Variants in FHIT observed in about 807,000 individuals in gnomAD.
The protein encoded by FHIT is bis(5'-adenosyl)-triphosphatase.
Under a neutral mutation model 17.9 loss-of-function variants are expected in FHIT, and 19 were observed. That is an observed-to-expected ratio of 1.06 (90% CI 0.74 to 1.56). FHIT has a LOEUF of 1.56. FHIT is among the 40% of genes most tolerant of loss of function. The probability of loss-of-function intolerance (pLI) is 0.00; values close to 1 mark genes in which losing one functional copy is unlikely to be tolerated. For synonymous variants in FHIT, 81 were observed against 69.7 expected, an observed-to-expected ratio of 1.16 and a Z score of -0.81; for missense variants, 248 against 189.2, an observed-to-expected ratio of 1.31 and a Z score of -1.82.
At position 59,976,032 on chromosome 3, in the gene FHIT, T is replaced by C. The variant is rs972359742; in HGVS notation, c.279+35339A>G. 2.6e-5 allele frequency among the ~76,000 whole-genome samples: 4 copies of C among 152,228 alleles called. No homozygotes were observed. In the South Asian group the frequency reaches 8.3e-4, roughly 32 times the overall value. On this transcript the variant is annotated intron_variant, in intron 7 of 9. Transcript: ENST00000492590. ...GGACTTGGGTTCAGACACAACTCAA[T>C]CACTTATAAGCTTAGTGACCTTGGA...
Position 61,249,863 on chromosome 3 carries a change from G to A in FHIT, c.-213+1438C>T, listed in dbSNP as rs147629499. Among the ~76,000 whole-genome samples, 833 of 150,086 alleles carry A rather than the reference G, an allele frequency of 5.6e-3. 14 individuals are homozygous for A. The highest frequency in any genetic ancestry group is 0.019 in the African/African-American group (772 of 41,010). On this transcript the variant is annotated intron_variant, in intron 1 of 9. Coordinates refer to ENST00000492590, the MANE Select transcript of FHIT (RefSeq NM_002012.4). ...TGTTAGTGGTTTTGGAAGCATGTAC[G>A]TTAATACTTGGAACACCGTATACAA...
At chr3:60,226,359 C>G (rs1704196126) in intron 5 of FHIT, among the ~76,000 whole-genome samples, 1 of 151,106 alleles carries the variant, frequency 6.6e-6, no homozygotes, top group Admixed American at 6.6e-5. Flanking sequence ...GTAATCCCAG[C>G]TATTCGGGAG....
intron 5 of FHIT, among the ~76,000 whole-genome samples, chr3:60,471,735 A>T (rs941055067): frequency 2.0e-5 from 3 of 152,078 alleles, no homozygotes; most frequent in Admixed American, 1.3e-4. Context: ...ACAGTTGTTC[A>T]ATTTGGTGTT....
chr3:61,009,491 T>C (rs1227584960), intron 3 of FHIT, among the ~76,000 whole-genome samples: 1 of 152,196 alleles, frequency 6.6e-6, no homozygotes, highest in East Asian at 1.9e-4. Flanking sequence ...GTTTTTTAAC[T>C]GGTTGCTGTA....
rs1344424428 is a variant in FHIT at position 61,154,425 on chromosome 3, A to T, written c.-164+46192T>A. On this transcript the variant is annotated intron_variant, in intron 2 of 9. Transcript: ENST00000492590. ...GAAAAACCCCTCATAAAACAATTTT[A>T]AAAATATATAAAGAGGAAATCATAT... Among the ~76,000 whole-genome samples the T allele has an allele frequency of 2.6e-5, 4 of 151,480 alleles. No individual in the cohort carries two copies. The East Asian group carries it at 7.7e-4, about 29-fold the overall frequency.
chr3:61,069,083 T>G (rs990841541), intron 2 of FHIT, among the ~76,000 whole-genome samples: 3 of 152,080 alleles, frequency 2.0e-5, no homozygotes, highest in African/African-American at 7.2e-5. Flanking sequence ...TTCAACAGGT[T>G]TTTCTTTTTT....
intron 5 of FHIT, among the ~76,000 whole-genome samples, chr3:60,111,139 T>A (rs1259165244): frequency 6.6e-6 from 1 of 152,196 alleles, no homozygotes; most frequent in Non-Finnish European, 1.5e-5. Context: ...AAAAAAAGTA[T>A]ATGTTGTTTC....
intron 2 of FHIT, among the ~76,000 whole-genome samples, chr3:61,141,553 C>T (rs1286434144): frequency 6.9e-6 from 1 of 144,288 alleles, no homozygotes; most frequent in African/African-American, 2.4e-5. Context: ...CCCAGCCACT[C>T]CACCCAAGCA....
At chr3:60,518,239 C>T (rs569659979) in intron 5 of FHIT, among the ~76,000 whole-genome samples, 26 of 152,188 alleles carry the variant, frequency 1.7e-4, no homozygotes, top group Admixed American at 5.2e-4. Context: ...ATATTTGCAA[C>T]AAATGTGACA....
intron 5 of FHIT, among the ~76,000 whole-genome samples, chr3:60,094,312 T>C (rs1367639479): frequency 1.3e-5 from 2 of 152,306 alleles, no homozygotes; most frequent in East Asian, 3.9e-4. Flanking sequence ...CAATACCAGA[T>C]CTGCCTTCCA....
intron 3 of FHIT, among the ~76,000 whole-genome samples, chr3:60,822,955 T>C (rs1701977876): frequency 6.6e-6 from 1 of 152,220 alleles, no homozygotes; most frequent in African/African-American, 2.4e-5. Context: ...TAAACACCAA[T>C]TCATTCCCTA....
intron 5 of FHIT, among the ~76,000 whole-genome samples, chr3:60,445,045 G>A (rs189444828): frequency 6.6e-6 from 1 of 152,234 alleles, no homozygotes; most frequent in East Asian, 1.9e-4. Context: ...CCTCACCACA[G>A]ATGTGGCTTA....
rs2042046486 is a variant in FHIT at position 60,732,309 on chromosome 3, G to A, written c.-18+89610C>T. 6 of 949,014 alleles carry A rather than the reference G, an allele frequency of 6.3e-6. No individual in the cohort carries two copies. In the South Asian group the frequency reaches 7.7e-5, roughly 12 times the overall value. 58.8% of individuals were successfully genotyped at this position (949,014 alleles called of 1,614,324 possible). On this transcript the variant is annotated intron_variant, in intron 4 of 9. Coordinates refer to ENST00000492590, the MANE Select transcript of FHIT (RefSeq NM_002012.4). ...CTTGGCAGGGCACATGAAAAACTGG[G>A]AACCATTTGTGTTGGGTCCAGCATT...
chr3:61,107,903 T>G (rs912411367), intron 2 of FHIT, among the ~76,000 whole-genome samples: 1 of 152,290 alleles, frequency 6.6e-6, no homozygotes, highest in Admixed American at 6.5e-5. Flanking sequence ...GTTGGCTACA[T>G]TTGATTGGCC....
intron 2 of FHIT, among the ~76,000 whole-genome samples, chr3:61,140,179 G>C (rs1024768392): frequency 6.6e-6 from 1 of 152,118 alleles, no homozygotes; most frequent in Non-Finnish European, 1.5e-5. Flanking sequence ...AACTTATTCA[G>C]TCTTCCATAA....
chr3:60,149,473 A>G (rs1475573256), intron 5 of FHIT, among the ~76,000 whole-genome samples: 4 of 152,152 alleles, frequency 2.6e-5, no homozygotes, highest in Non-Finnish European at 5.9e-5. Flanking sequence ...AGCAAATGAG[A>G]AAACAAGTAT....
At chr3:60,131,579 C>T (rs1042915789) in intron 5 of FHIT, among the ~76,000 whole-genome samples, 2 of 152,172 alleles carry the variant, frequency 1.3e-5, no homozygotes, top group African/African-American at 4.8e-5. Context: ...AGGGCAGCTA[C>T]AGCCTTTCCC....
At chr3:60,279,606 C>G (rs1163548411) in intron 5 of FHIT, among the ~76,000 whole-genome samples, 2 of 151,846 alleles carry the variant, frequency 1.3e-5, no homozygotes, top group Admixed American at 1.3e-4. Flanking sequence ...CGTGCAAACC[C>G]CATTAAAAGA....
chr3:61,106,627 A>T (rs1559986869), intron 2 of FHIT, among the ~76,000 whole-genome samples: 1 of 152,134 alleles, frequency 6.6e-6, no homozygotes, highest in Admixed American at 6.6e-5. Flanking sequence ...ACATTGAGTG[A>T]ATTAACATAT....
Sources: allele counts gnomAD v4.1 joint callset (sites outside exome capture counted in the v4.1 genomes callset), GRCh38; gene constraint gnomAD v4.1.1; transcripts MANE v1.5; gene names NCBI Gene and HGNC (gene_info 2026-07-23, HGNC 2026-07-21).